The following EMSY variants were observed in gnomAD, a reference collection of about 807,000 sequenced individuals.
EMSY encodes BRCA2-interacting transcriptional repressor EMSY.
A neutral mutation model predicts 134.6 loss-of-function variants in EMSY; 26 were observed. The observed-to-expected ratio is 0.19, with a 90% CI of 0.14 to 0.27. EMSY has a LOEUF of 0.27. EMSY is among the 10% of genes least tolerant of loss of function. The pLI, the probability that EMSY is intolerant of heterozygous loss-of-function variation, is 1.00. For missense variants in EMSY, 1,305 were observed against 1,611.4 expected, an observed-to-expected ratio of 0.81 and a Z score of 3.26; for synonymous variants, 579 against 577.8, an observed-to-expected ratio of 1.00 and a Z score of -0.03.
At chr11:76,476,923 A>C (rs953894695) in intron 8 of EMSY, among the ~76,000 whole-genome samples, 7 of 152,144 alleles carry the variant, frequency 4.6e-5, no homozygotes, top group African/African-American at 1.7e-4. Flanking sequence ...TTAAGAGGAA[A>C]TATATCGTCG....
intron 19 of EMSY, 132 bp from the exon 21 acceptor site, chr11:76,545,665 A>C: frequency 8.6e-7 from 1 of 1,169,536 alleles, no homozygotes. Context: ...CCTCTTTTTA[A>C]AACAGCAAGC....
intron 8 of EMSY, among the ~76,000 whole-genome samples, chr11:76,478,543 A>G (rs1314370351): frequency 6.6e-6 from 1 of 151,814 alleles, no homozygotes; most frequent in African/African-American, 2.4e-5. Context: ...GGGTTTCACC[A>G]TCTTGGTCAG....
At chr11:76,512,750 C>A (rs1224628158) in intron 9 of EMSY, among the ~76,000 whole-genome samples, 1 of 150,822 alleles carries the variant, frequency 6.6e-6, no homozygotes, top group East Asian at 1.9e-4. Context: ...TAAATCACCA[C>A]CCTAGCACTT....
exon 18 of EMSY, chr11:76,542,349 C>A: frequency 6.2e-7 from 1 of 1,614,148 alleles, no homozygotes; most frequent in Non-Finnish European, 8.5e-7. Context: ...CTGGAGCAAT[C>A]ACCCACATTA....
At chr11:76,453,267 G>T in intron 3 of EMSY, 47 bp from the exon 4 acceptor site, 1 of 1,554,796 alleles carries the variant, frequency 6.4e-7, no homozygotes, top group South Asian at 1.2e-5. Context: ...AGTATAGAAA[G>T]AGCTGCCTGC....
intron 11 of EMSY, among the ~76,000 whole-genome samples, chr11:76,521,457 A>G (rs1357027452): frequency 6.6e-6 from 1 of 152,152 alleles, no homozygotes; most frequent in African/African-American, 2.4e-5. Flanking sequence ...GTTGAGAGGT[A>G]TAGGGAGTTA....
At chr11:76,527,961 A>G (rs963361826) in intron 13 of EMSY, among the ~76,000 whole-genome samples, 1 of 152,056 alleles carries the variant, frequency 6.6e-6, no homozygotes, top group Non-Finnish European at 1.5e-5. Context: ...GCTTGTGGAT[A>G]TCATTTTACT....
At chr11:76,513,594 T>G in intron 10 of EMSY, 59 bp downstream of exon 11, 3 of 1,567,152 alleles carry the variant, frequency 1.9e-6, no homozygotes, top group Non-Finnish European at 2.6e-6. Flanking sequence ...ACAGTTTCTC[T>G]GTACCAGCAA....
intron 7 of EMSY, among the ~76,000 whole-genome samples, chr11:76,464,910 G>A (rs748117790): frequency 2.6e-5 from 4 of 152,150 alleles, no homozygotes; most frequent in Non-Finnish European, 5.9e-5. Context: ...TTTTGAAGAT[G>A]TTGTTGCTCT....
chr11:76,515,216 G>A (rs1171531433), intron 10 of EMSY, among the ~76,000 whole-genome samples: 1 of 148,206 alleles, frequency 6.7e-6, no homozygotes, highest in Non-Finnish European at 1.5e-5. Flanking sequence ...TGGGGGGGGG[G>A]AGGAGGCGAG....
chr11:76,524,024 T>A (rs1189897928), intron 12 of EMSY, among the ~76,000 whole-genome samples: 4 of 152,132 alleles, frequency 2.6e-5, no homozygotes, highest in African/African-American at 9.7e-5. Context: ...CACTCCAGAC[T>A]GGGCAACAGA....
intron 17 of EMSY, among the ~76,000 whole-genome samples, chr11:76,541,532 A>T (rs1038512778): frequency 3.9e-5 from 6 of 152,214 alleles, no homozygotes; most frequent in Non-Finnish European, 8.8e-5. Context: ...AATCAATCAA[A>T]CAAAACAAAA....
At position 76,523,134 on chromosome 11, in the gene EMSY, T is replaced by C. The variant is rs2136279751; in HGVS notation, c.1685-21T>C. On this transcript the variant is annotated intron_variant, in intron 11 of 20. Coordinates refer to ENST00000334736, the Ensembl canonical transcript of EMSY. The stretch of plus-strand genomic sequence containing the variant: ...TCTCTAGTCCTTAACTCAGGCCTCC[T>C]TTTCTTCCCCCTTTTCTAAGGAACG... The C allele has an allele frequency of 1.9e-6, 3 of 1,598,730 alleles. No individual in the cohort carries two copies. In the East Asian group the frequency reaches 6.7e-5, roughly 36 times the overall value.
chr11:76,487,963 G>A (rs564680666), intron 8 of EMSY, among the ~76,000 whole-genome samples: 24 of 152,196 alleles, frequency 1.6e-4, no homozygotes, highest in African/African-American at 5.3e-4. Flanking sequence ...TAACATTTAT[G>A]CATTATCTTT....
intron 8 of EMSY, among the ~76,000 whole-genome samples, chr11:76,486,400 T>C (rs143132463): frequency 1.3e-5 from 2 of 152,192 alleles, no homozygotes; most frequent in Non-Finnish European, 2.9e-5. Flanking sequence ...TAAAATATAA[T>C]AAAAAAATGC....
chr11:76,500,661 T>C (rs1323269694), intron 9 of EMSY, among the ~76,000 whole-genome samples: 1 of 152,186 alleles, frequency 6.6e-6, no homozygotes, highest in Non-Finnish European at 1.5e-5. Flanking sequence ...TTAATAGAGT[T>C]TAACAGCTGG....
intron 9 of EMSY, among the ~76,000 whole-genome samples, chr11:76,507,865 C>CTTTTTTTTTTTTT (rs55756987): frequency 1.1e-4 from 13 of 118,630 alleles, no homozygotes; most frequent in Non-Finnish European, 1.1e-4. Flanking sequence ...TTTTCTTTTT[C>CTTTTTTTTTTTTT]TTTTTTTTTT....
chr11:76,536,237 G>A (rs1270967299), intron 15 of EMSY, among the ~76,000 whole-genome samples, 178 bp downstream of exon 16: 1 of 151,940 alleles, frequency 6.6e-6, no homozygotes, highest in Non-Finnish European at 1.5e-5. Context: ...TGGTTTACTT[G>A]TTAGTTCAGT....
chr11:76,496,310 AAAC>A, exon 9 of EMSY: 3 of 1,614,160 alleles, frequency 1.9e-6, no homozygotes, highest in Non-Finnish European at 2.5e-6. Flanking sequence ...ACAGTTCCCT[AAAC>A]AACATCAACA....
Sources: gnomAD v4.1 joint callset for allele counts (sites outside exome capture counted in the v4.1 genomes callset) on GRCh38, gnomAD v4.1.1 for gene constraint, MANE v1.5 for transcripts, NCBI Gene and HGNC (gene_info 2026-07-23, HGNC 2026-07-21) for gene names.